The following PARP11 variants were observed in gnomAD, a reference collection of about 807,000 sequenced individuals.
The protein encoded by PARP11 is poly(ADP-ribose) polymerase family member 11.
A neutral mutation model predicts 42.9 loss-of-function variants in PARP11; 31 were observed. The observed-to-expected ratio is 0.72, with a 90% CI of 0.54 to 0.98. The LOEUF (loss-of-function observed/expected upper bound fraction) is 0.98. Among genes scored for constraint, PARP11 ranks in the 50% least tolerant of loss-of-function variants. The pLI, the probability that PARP11 is intolerant of heterozygous loss-of-function variation, is 0.00. For synonymous variants in PARP11, 137 were observed against 127.3 expected (o/e 1.08, Z -0.51); for missense variants, 365 against 413.1 (o/e 0.88, Z 1.01).
chr12:3,836,372 T>A (rs571976152), intron 1 of PARP11, among the ~76,000 whole-genome samples: 5 of 152,054 alleles, frequency 3.3e-5, no homozygotes, highest in African/African-American at 9.7e-5. Flanking sequence ...AATCTTATAC[T>A]AGCAAAACTA....
chr12:3,830,118 T>G, intron 1 of PARP11, 100 bp from the exon 2 acceptor site: 1 of 1,059,340 alleles, frequency 9.4e-7, no homozygotes, highest in Non-Finnish European at 1.4e-6. Flanking sequence ...GGTATTCAAG[T>G]GTCTTTCCTC....
chr12:3,853,783 A>T (rs1453619250), intron 1 of PARP11, among the ~76,000 whole-genome samples: 1 of 152,216 alleles, frequency 6.6e-6, no homozygotes, highest in Non-Finnish European at 1.5e-5. Flanking sequence ...CACCAAGCAG[A>T]CCTAATAGAC....
At position 3,814,158 on chromosome 12, in the gene PARP11, A is replaced by C; in HGVS notation, c.579T>G (p.Gly193=). 6.2e-7 allele frequency: 1 copy of C among 1,604,130 alleles called. No homozygotes were observed. Among genetic ancestry groups the C allele is most frequent in the Non-Finnish European group, 8.5e-7 (1 of 1,173,732 alleles). Residue 193 remains glycine (G), a synonymous_variant, in exon 7 of 8, where the codon GGT becomes GGG. Transcript: ENST00000228820. ...GCATTTGTTCATTAATCTGAGGCACACCTCTTTTTTTCTTGAGCTGAGCCT... is the reference window on the plus strand; with the variant it reads ...GCATTTGTTCATTAATCTGAGGCACCCCTCTTTTTTTCTTGAGCTGAGCCT... ...RKKAQLKKKR[G]VPQINEQMLF... is the part of the protein sequence containing the mutation.
rs539454797 is a variant in PARP11, at chr12:3,872,589, A to T, written c.18+623T>A. 234 of 985,408 alleles carry T rather than the reference A, an allele frequency of 2.4e-4. 2 individuals carry two copies. The African/African-American group carries it at 4.0e-3, about 17-fold the overall frequency. The allele number at this position is 985,408 out of a possible 1,614,324, so 61.0% of individuals were successfully genotyped here. ...TTTGTCCACCGAACGAAAACATCTA[A>T]GAACATACAGTCCATACTCCAAGTT... On this transcript the variant is annotated intron_variant, in intron 1 of 7. Transcript: ENST00000228820.
chr12:3,837,060 T>C (rs1176411537), intron 1 of PARP11, among the ~76,000 whole-genome samples: 18 of 152,180 alleles, frequency 1.2e-4, no homozygotes, highest in Non-Finnish European at 2.9e-5. Context: ...CAAGTAGGAC[T>C]ACAATCCCTA....
intron 1 of PARP11, among the ~76,000 whole-genome samples, chr12:3,862,948 T>C (rs1488712942): frequency 2.0e-5 from 3 of 152,232 alleles, no homozygotes; most frequent in Non-Finnish European, 4.4e-5. Context: ...CATTGAATTA[T>C]CAATCTGTCT....
chr12:3,838,946 T>C (rs1030780507), intron 1 of PARP11, among the ~76,000 whole-genome samples: 18 of 152,110 alleles, frequency 1.2e-4, no homozygotes, highest in African/African-American at 3.6e-4. Flanking sequence ...ACGAGGAAAC[T>C]TGTGGGGGCG....
At chr12:3,818,754 A>C (rs1329462523) in intron 6 of PARP11, among the ~76,000 whole-genome samples, 1 of 152,168 alleles carries the variant, frequency 6.6e-6, no homozygotes, top group Non-Finnish European at 1.5e-5. Flanking sequence ...ATCTTACTTG[A>C]CATCTTTTCA....
intron 1 of PARP11, chr12:3,841,258 A>G (rs746211849): frequency 4.8e-5 from 67 of 1,386,054 alleles, no homozygotes; most frequent in Admixed American, 2.8e-4. Context: ...ACCTAAAGAT[A>G]AGAATATTCT....
At chr12:3,849,579 T>C (rs1035483703) in intron 1 of PARP11, among the ~76,000 whole-genome samples, 5 of 152,116 alleles carry the variant, frequency 3.3e-5, no homozygotes, top group African/African-American at 1.2e-4. Context: ...CCTGTTCTCA[T>C]TCATATGTAG....
In PARP11 at chr12:3,826,066, A is replaced by C. The variant is rs1947514749; in HGVS notation, c.344+92T>G. On this transcript the variant is annotated intron_variant, in intron 4 of 7. Coordinates refer to ENST00000228820, the MANE Select transcript of PARP11 (RefSeq NM_020367.6). Reference sequence around the variant, plus strand: ...TTTAAAAGATCAATATTATTAAATGACCTACCAAAATATTTCCAGTCTATT... The same window carrying C: ...TTTAAAAGATCAATATTATTAAATGCCCTACCAAAATATTTCCAGTCTATT... The C allele has an allele frequency of 2.7e-6, 2 of 735,978 alleles. 1 individual carries two copies. Among genetic ancestry groups the C allele is most frequent in the Non-Finnish European group, 4.5e-6 (2 of 448,032 alleles). The allele number at this position is 735,978 out of a possible 1,614,324, so 45.6% of individuals were successfully genotyped here.
chr12:3,851,313 C>T (rs1204909227), intron 1 of PARP11, among the ~76,000 whole-genome samples: 1 of 152,142 alleles, frequency 6.6e-6, no homozygotes, highest in African/African-American at 2.4e-5. Context: ...GGCATCGCCT[C>T]ACCCAGGAAG....
At chr12:3,872,359 A>G (rs1024986709) in intron 1 of PARP11, among the ~76,000 whole-genome samples, 1 of 152,182 alleles carries the variant, frequency 6.6e-6, no homozygotes, top group Admixed American at 6.5e-5. Flanking sequence ...TTACCTTGTT[A>G]ACCTATCTTC....
chr12:3,853,523 C>T (rs2138099194), intron 1 of PARP11, among the ~76,000 whole-genome samples: 1 of 152,166 alleles, frequency 6.6e-6, no homozygotes, highest in East Asian at 1.9e-4. Flanking sequence ...CAACAAAGAT[C>T]AAAAGAGACA....
At chr12:3,821,173 G>C (rs1947383716) in intron 6 of PARP11, among the ~76,000 whole-genome samples, 1 of 152,140 alleles carries the variant, frequency 6.6e-6, no homozygotes. Flanking sequence ...TGAATAAAAA[G>C]TTAAAAGTCA....
chr12:3,845,974 G>A (rs1170493499), intron 1 of PARP11, among the ~76,000 whole-genome samples: 7 of 152,266 alleles, frequency 4.6e-5, no homozygotes, highest in Non-Finnish European at 1.0e-4. Context: ...TATGAAAAAC[G>A]ATAATAGCCT....
intron 1 of PARP11, among the ~76,000 whole-genome samples, chr12:3,870,489 T>C (rs1948456534): frequency 6.6e-6 from 1 of 152,208 alleles, no homozygotes. Flanking sequence ...AAGACATTCA[T>C]TAATGCCTTT....
At chr12:3,866,841 T>A (rs1350336078) in intron 1 of PARP11, among the ~76,000 whole-genome samples, 1 of 152,206 alleles carries the variant, frequency 6.6e-6, no homozygotes, top group Non-Finnish European at 1.5e-5. Context: ...TATTAAATGA[T>A]TCTACTGGAT....
At position 3,826,158 on chromosome 12, in the gene PARP11, C is replaced by G. The variant is rs753028518; in HGVS notation, c.344G>C (p.Ser115Thr). Residue 115 changes from serine to threonine, a missense_variant and splice_region_variant, in exon 4 of 8, where the codon AGT becomes ACT. Transcript: ENST00000228820. ...TCCACCCCTATTCTCTTTACCATAC[C>G]TGAAAGCACTGATAGAAAAGGGGGC... is the stretch of plus-strand genomic sequence containing the variant. ...KRAPFSISAF[S>T]YICENEAIPM... The G allele has an allele frequency of 6.3e-7, 1 of 1,576,032 alleles. No individual in the cohort carries two copies. Among genetic ancestry groups the G allele is most frequent in the Admixed American group, 2.0e-5 (1 of 50,828 alleles).
Sources: allele counts gnomAD v4.1 joint callset (sites outside exome capture counted in the v4.1 genomes callset), GRCh38; gene constraint gnomAD v4.1.1; transcripts MANE v1.5; gene names NCBI Gene and HGNC (gene_info 2026-07-23, HGNC 2026-07-21).